LPP: variants seen among roughly 807,000 people sequenced by gnomAD.
The protein encoded by LPP is LIM domain containing preferred translocation partner in lipoma, also known as lipoma-preferred partner.
LPP carries 38 observed loss-of-function variants against 60.4 expected under a neutral mutation model. The observed-to-expected ratio is 0.63, with a 90% CI of 0.49 to 0.83. The LOEUF is 0.83. Ranked by LOEUF, LPP falls within the 40% of genes least tolerant of loss-of-function variation. LPP has a pLI of 0.00. For synonymous variants in LPP, 328 were observed against 290.8 expected, an observed-to-expected ratio of 1.13 and a Z score of -1.30; for missense variants, 902 against 783.6, an observed-to-expected ratio of 1.15 and a Z score of -1.80.
chr3:188,647,597 G>A (rs1851351206), intron 7 of LPP, among the ~76,000 whole-genome samples: 1 of 152,170 alleles, frequency 6.6e-6, no homozygotes, highest in Non-Finnish European at 1.5e-5. Context: ...TAAAGGAGGT[G>A]TGGATGTGAG....
At chr3:188,695,771 C>T (rs928981285) in intron 7 of LPP, among the ~76,000 whole-genome samples, 1 of 152,206 alleles carries the variant, frequency 6.6e-6, no homozygotes, top group African/African-American at 2.4e-5. Flanking sequence ...GTAAAAAAGG[C>T]CACATTGGTC....
chr3:188,318,638 C>T (rs527596105), intron 2 of LPP, among the ~76,000 whole-genome samples: 12 of 151,370 alleles, frequency 7.9e-5, no homozygotes, highest in Admixed American at 3.3e-4. Context: ...ATGGAGAACA[C>T]GGTGGAATTT....
intron 1 of LPP, among the ~76,000 whole-genome samples, chr3:188,183,008 A>C (rs200066908): frequency 1.0e-4 from 5 of 48,414 alleles, no homozygotes; most frequent in Non-Finnish European, 2.7e-4. Flanking sequence ...GGTGAGGCCC[A>C]AAGAGGTCAA....
chr3:188,516,852 C>T (rs1306827280), intron 5 of LPP, among the ~76,000 whole-genome samples: 5 of 151,992 alleles, frequency 3.3e-5, no homozygotes, highest in East Asian at 3.9e-4. Context: ...ATAAGTCCTC[C>T]TGGTGGTTCT....
intron 4 of LPP, among the ~76,000 whole-genome samples, chr3:188,467,139 C>T (rs1007533927): frequency 5.9e-5 from 9 of 151,724 alleles, no homozygotes; most frequent in Non-Finnish European, 1.0e-4. Flanking sequence ...CAATATAAAA[C>T]TTGTTTAGCT....
At chr3:188,229,717 C>G (rs541162395) in intron 2 of LPP, among the ~76,000 whole-genome samples, 16 of 152,210 alleles carry the variant, frequency 1.1e-4, no homozygotes, top group Admixed American at 1.0e-3. Flanking sequence ...ATCTCTTTCT[C>G]TCTTTTGCTT....
At chr3:188,209,184 C>T (rs1033133509) in intron 1 of LPP, among the ~76,000 whole-genome samples, 10 of 152,264 alleles carry the variant, frequency 6.6e-5, no homozygotes, top group Admixed American at 6.5e-4. Context: ...TTCTTTTGCT[C>T]CTTATTGCTG....
At chr3:188,184,324 G>T (rs960739980) in intron 1 of LPP, among the ~76,000 whole-genome samples, 1 of 152,110 alleles carries the variant, frequency 6.6e-6, no homozygotes, top group South Asian at 2.1e-4. Context: ...CTGGGCCCCA[G>T]ATGTGAGAAC....
chr3:188,542,336 C>G (rs1825424916), intron 6 of LPP, among the ~76,000 whole-genome samples: 1 of 152,214 alleles, frequency 6.6e-6, no homozygotes, highest in South Asian at 2.1e-4. Context: ...CCAGTTGTCA[C>G]ACACAATATC....
intron 3 of LPP, among the ~76,000 whole-genome samples, chr3:188,358,250 G>A (rs1274324358): frequency 6.6e-6 from 1 of 152,160 alleles, no homozygotes; most frequent in African/African-American, 2.4e-5. Flanking sequence ...GCTAAAGCCA[G>A]GATATGAACT....
intron 4 of LPP, among the ~76,000 whole-genome samples, chr3:188,419,173 A>G (rs185264637): frequency 1.3e-5 from 2 of 152,186 alleles, no homozygotes; most frequent in Non-Finnish European, 2.9e-5. Context: ...ATATCTTGAC[A>G]TCTGCATTAA....
At chr3:188,547,823 A>G (rs1827068485) in intron 6 of LPP, among the ~76,000 whole-genome samples, 1 of 152,198 alleles carries the variant, frequency 6.6e-6, no homozygotes, top group Admixed American at 6.5e-5. Flanking sequence ...AGTGTGATGT[A>G]TAAAATGGCA....
chr3:188,609,026 A>G lies in LPP; in HGVS notation c.430-135A>G, dbSNP rs373477995. The G allele has an allele frequency of 1.3e-5, 9 of 701,700 alleles. No homozygotes were observed. Among genetic ancestry groups the G allele is most frequent in the African/African-American group, 1.8e-5 (1 of 55,434 alleles). The allele number at this position is 701,700 out of a possible 1,614,324, so 43.5% of individuals were successfully genotyped here. A position where few individuals can be genotyped will look rare whatever the true frequency, so the allele number is the denominator to read the frequency against. ...CTGTGAACACTTTGAAGGCAAGATT[A>G]TGCCTTATTTGTGTTCTACATAGTA... On this transcript the variant is annotated intron_variant, in intron 6 of 11. Coordinates refer to ENST00000617246, the MANE Select transcript of LPP (RefSeq NM_001375462.1). The surrounding 1 kb of genome is among the most constrained non-coding windows in gnomAD (Gnocchi z 6.9).
At chr3:188,500,890 C>A (rs970176457) in intron 5 of LPP, among the ~76,000 whole-genome samples, 1 of 152,032 alleles carries the variant, frequency 6.6e-6, no homozygotes, top group African/African-American at 2.4e-5. Context: ...GTTAGTAATG[C>A]CCCTACTTTT....
intron 4 of LPP, among the ~76,000 whole-genome samples, chr3:188,407,110 T>A (rs1783686622): frequency 6.6e-6 from 1 of 152,022 alleles, no homozygotes; most frequent in African/African-American, 2.4e-5. Flanking sequence ...AATATTAGAC[T>A]TCTAGGAGCT....
In LPP at chr3:188,446,457, G is replaced by A. The variant is rs750747451; in HGVS notation, c.194-38135G>A. On this transcript the variant is annotated intron_variant, in intron 4 of 11. Coordinates refer to ENST00000617246, the MANE Select transcript of LPP (RefSeq NM_001375462.1). ...TTGTAACCTGTTGGTTACTGTGTAT[G>A]TCATTTAACTTCTCTGTCTTTAGTT... Among the ~76,000 whole-genome samples the A allele has an allele frequency of 4.6e-5, 7 of 152,190 alleles. No individual in the cohort carries two copies. The East Asian group carries it at 1.3e-3, about 29-fold the overall frequency.
intron 4 of LPP, among the ~76,000 whole-genome samples, chr3:188,463,644 C>T (rs1054838093): frequency 1.3e-5 from 2 of 152,104 alleles, no homozygotes; most frequent in Admixed American, 6.6e-5. Flanking sequence ...TATTAATAAA[C>T]TTAATTTTCT....
In LPP at chr3:188,154,209, G is replaced by GCCGCCGCCA. The variant is rs1553796010; in HGVS notation, c.-228_-227insGCCACCGCC. Among the ~76,000 whole-genome samples, 44 of 151,464 alleles carry GCCGCCGCCA rather than the reference G, an allele frequency of 2.9e-4. No individual in the cohort carries two copies. Among genetic ancestry groups the GCCGCCGCCA allele is most frequent in the East Asian group, 6.0e-4 (3 of 5,026 alleles). Reference sequence around the variant, plus strand: ...TCCAGCCGCCGCCGCCGCCGCCGCCGCCGCCACCACCACCGCCGCTGCCCC... The same window carrying GCCGCCGCCA: ...TCCAGCCGCCGCCGCCGCCGCCGCCGCCGCCGCCACCGCCACCACCACCGCCGCTGCCCC... On this transcript the variant is annotated 5_prime_UTR_variant, in exon 1 of 12. Transcript: ENST00000617246.
At chr3:188,517,082 A>G (rs1817581270) in intron 5 of LPP, among the ~76,000 whole-genome samples, 1 of 152,246 alleles carries the variant, frequency 6.6e-6, no homozygotes, top group South Asian at 2.1e-4. Context: ...AGTAACAATT[A>G]AATAGCTAGC....
Sources: allele counts gnomAD v4.1 joint callset (sites outside exome capture counted in the v4.1 genomes callset), GRCh38; gene constraint gnomAD v4.1.1; non-coding constraint Gnocchi (gnomAD v3.1); transcripts MANE v1.5; gene names NCBI Gene and HGNC (gene_info 2026-07-23, HGNC 2026-07-21).